BCL9L: variants seen among roughly 807,000 people sequenced by gnomAD.
BCL9L encodes B-cell CLL/lymphoma 9-like protein.
In BCL9L, 19 loss-of-function variants were observed where a neutral mutation model predicts 99.4. The observed-to-expected ratio is 0.19, with a 90% CI of 0.13 to 0.28. The LOEUF is 0.28. Among genes scored for constraint, BCL9L ranks in the 10% least tolerant of loss-of-function variants. The pLI is 1.00. For synonymous variants in BCL9L, 900 were observed against 854.8 expected, an observed-to-expected ratio of 1.05 and a Z score of -0.92; for missense variants, 2,023 against 2,101.6, an observed-to-expected ratio of 0.96 and a Z score of 0.73.
Position 118,899,422 on chromosome 11 carries a change from G to A in BCL9L, c.3493C>T (p.Pro1165Ser). ...GCGGGCGGGGGCTCATGGGACAGGG[G>A]CTGCTGGCCTGGCAGGTTCATGCCC... ...PMGMNLPGQQ[P>S]LSHEPPPAML... The change falls in exon 10 of 10, where the codon CCC (proline) becomes TCC (serine). Residue 1165 changes from proline to serine, a missense_variant. By Grantham distance (74) the Pro-to-Ser change is moderately conservative (BLOSUM62 -1). This residue lies in a region of BCL9L where 902 missense variants were observed against 888.2 expected (regional missense o/e 1.02). Coordinates refer to ENST00000683865, the MANE Select transcript of BCL9L (RefSeq NM_001378213.1). 6.3e-7 allele frequency: 1 copy of A among 1,596,200 alleles called. No homozygotes were observed. Among genetic ancestry groups the A allele is most frequent in the Non-Finnish European group, 8.5e-7 (1 of 1,173,588 alleles).
chr11:118,905,512 CAAA>C (rs761526586), intron 5 of BCL9L, among the ~76,000 whole-genome samples: 2 of 38,574 alleles, frequency 5.2e-5, no homozygotes, highest in Non-Finnish European at 5.4e-5. Flanking sequence ...GACTCTGTCT[CAAA>C]AAAAAAAAAA....
In BCL9L at chr11:118,901,621, T is replaced by C. The variant is rs1940242354; in HGVS notation, c.2122A>G (p.Met708Val). Residue 708 changes from methionine (M) to valine (V), a missense_variant, in exon 8 of 10, where the codon ATG becomes GTG. Transcript: ENST00000683865. The surrounding 1 kb of genome is among the most constrained non-coding windows in gnomAD (Gnocchi z 6.6). ...AGSGMGQSME[M>V]ERMMQAHRQM... ...CGGTGCGCCTGCATCATCCGCTCCA[T>C]CTCCATGCTCTGTCCCATGCCACTG... 5.6e-6 allele frequency: 9 copies of C among 1,613,714 alleles called. No homozygotes were observed. The highest frequency in any genetic ancestry group is 7.6e-6 in the Non-Finnish European group (9 of 1,179,996).
intron 5 of BCL9L, among the ~76,000 whole-genome samples, chr11:118,904,718 G>T (rs1940435391): frequency 6.6e-6 from 1 of 152,238 alleles, no homozygotes; most frequent in Non-Finnish European, 1.5e-5. Flanking sequence ...ATTGCCTGAA[G>T]TTGTCTCCAT....
Position 118,899,327 on chromosome 11 carries a change from C to A in BCL9L, c.3588G>T (p.Gly1196=). The change falls in exon 10 of 10, where the codon GGG becomes GGT. Residue 1196 remains glycine (G), a synonymous_variant. Transcript: ENST00000683865. Reference sequence around the variant, plus strand: ...CCATCATCATGGAGTTTTGAGGGGGCCCCCCTGTCCCCTGTGCGTTGGGAT... The same window carrying A: ...CCATCATCATGGAGTTTTGAGGGGGACCCCCTGTCCCCTGTGCGTTGGGAT... ...PLHPNAQGTG[G]PPQNSMMMAP... 2 of 1,555,588 alleles carry A rather than the reference C, an allele frequency of 1.3e-6. No individual in the cohort carries two copies. The highest frequency in any genetic ancestry group is 1.4e-5 in the African/African-American group (1 of 73,984).
chr11:118,912,537 G>A (rs969555342), intron 2 of BCL9L, among the ~76,000 whole-genome samples: 2 of 152,202 alleles, frequency 1.3e-5, no homozygotes, highest in African/African-American at 2.4e-5. Flanking sequence ...GGGTTGCTAA[G>A]GGTTAAAGTG....
intron 2 of BCL9L, among the ~76,000 whole-genome samples, chr11:118,917,134 G>A (rs938763351): frequency 5.9e-5 from 9 of 152,072 alleles, no homozygotes; most frequent in Non-Finnish European, 1.2e-4. Context: ...GGGAAGCGGC[G>A]GCAGCAAACA....
Position 118,898,781 on chromosome 11 carries a change from T to TG in BCL9L, c.4133dup (p.Gly1379ArgfsTer138). The TG allele has an allele frequency of 6.2e-7, 1 of 1,613,910 alleles. No individual in the cohort carries two copies. The highest frequency in any genetic ancestry group is 8.5e-7 in the Non-Finnish European group (1 of 1,179,998). The stretch of plus-strand genomic sequence containing the variant: ...GCCCCCGCTGGACGCCCTGCTGGCC[T>TG]GGGAGGTTGGGAGGCCGAGAGGGAG... On this transcript the variant is annotated frameshift_variant, in exon 10 of 10. Coordinates refer to ENST00000683865, the MANE Select transcript of BCL9L (RefSeq NM_001378213.1). LOFTEE classifies it high-confidence loss of function.
At chr11:118,917,692 C>T (rs374888984) in intron 2 of BCL9L, among the ~76,000 whole-genome samples, 4 of 152,224 alleles carry the variant, frequency 2.6e-5, no homozygotes, top group East Asian at 3.9e-4. Flanking sequence ...GAGAGAGCAC[C>T]GCTCCCCACT....
chr11:118,904,123 T>C (rs1940405190), intron 5 of BCL9L, among the ~76,000 whole-genome samples: 1 of 152,176 alleles, frequency 6.6e-6, no homozygotes, highest in Non-Finnish European at 1.5e-5. Flanking sequence ...TTTAAATCAA[T>C]GTCACAGACT....
chr11:118,908,713 G>C, intron 3 of BCL9L, 58 bp from the exon 4 acceptor site: 3 of 1,486,178 alleles, frequency 2.0e-6, no homozygotes, highest in Non-Finnish European at 1.8e-6. Flanking sequence ...AGGCATGCCT[G>C]CAACTTAATT....
chr11:118,900,280 G>A lies in BCL9L; in HGVS notation c.3125-82C>T. The A allele has an allele frequency of 7.2e-7, 1 of 1,397,664 alleles. No individual in the cohort carries two copies. The highest frequency in any genetic ancestry group is 9.5e-7 in the Non-Finnish European group (1 of 1,050,088). 86.6% of individuals were successfully genotyped at this position (1,397,664 alleles called of 1,614,324 possible). Reference sequence around the variant, plus strand: ...TGGCTGTGGATATGGGGAGGTTTAGGAAGCGGTCAGTTCCCCAAATCACCT... The same window carrying A: ...TGGCTGTGGATATGGGGAGGTTTAGAAAGCGGTCAGTTCCCCAAATCACCT... On this transcript the variant is annotated intron_variant, in intron 8 of 9. Coordinates refer to ENST00000683865, the MANE Select transcript of BCL9L (RefSeq NM_001378213.1). This position sits in a 1 kb window ranked among gnomAD's most constrained non-coding sequence, Gnocchi z 5.3.
chr11:118,904,727 A>G (rs1394732021), intron 5 of BCL9L, among the ~76,000 whole-genome samples: 1 of 152,266 alleles, frequency 6.6e-6, no homozygotes, highest in East Asian at 1.9e-4. Context: ...AGTTGTCTCC[A>G]TCCAGCCAGG....
Position 118,919,115 on chromosome 11 carries a change from CCCG to C in BCL9L, c.-130-239_-130-237del, listed in dbSNP as rs1941068618. 3.0e-4 allele frequency among the ~76,000 whole-genome samples: 6 copies of C among 19,976 alleles called. 1 individual carries two copies. The highest frequency in any genetic ancestry group is 9.1e-4 in the African/African-American group (4 of 4,382). 13.1% of individuals were successfully genotyped at this position (19,976 alleles called of 152,430 possible). A position where few individuals can be genotyped will look rare whatever the true frequency, so the allele number is the denominator to read the frequency against. On this transcript the variant is annotated intron_variant, in intron 1 of 9. Transcript: ENST00000683865. The stretch of plus-strand genomic sequence containing the variant: ...CCAGCTGCACCGCTGCCCCCCCCCC[CCCG>C]ACCCCCCAACCCCCGCCCACCACAC...
intron 3 of BCL9L, 89 bp from the exon 4 acceptor site, chr11:118,908,744 A>C: frequency 5.2e-5 from 57 of 1,089,398 alleles, no homozygotes; most frequent in Non-Finnish European, 6.3e-5. Flanking sequence ...GCCTCCCCTA[A>C]CAATGGGGGA....
intron 5 of BCL9L, among the ~76,000 whole-genome samples, chr11:118,906,678 CCTTT>C (rs1411152536): frequency 6.7e-6 from 1 of 148,180 alleles, no homozygotes; most frequent in African/African-American, 2.7e-5. Flanking sequence ...TTACTTCTTT[CCTTT>C]CTTTCTCTCT....
In BCL9L at chr11:118,913,539, C is replaced by T. The variant is rs957312752; in HGVS notation, c.-76-3524G>A. On this transcript the variant is annotated intron_variant, in intron 2 of 9. Coordinates refer to ENST00000683865, the MANE Select transcript of BCL9L (RefSeq NM_001378213.1). The stretch of plus-strand genomic sequence containing the variant: ...TGCCCCCAAAGACAGCTACCCAATC[C>T]CCAGCTGCTCCCTCCCACAGGGGGA... 3.3e-5 allele frequency among the ~76,000 whole-genome samples: 5 copies of T among 152,172 alleles called. 1 individual carries two copies. Among genetic ancestry groups the T allele is most frequent in the Admixed American group, 3.3e-4 (5 of 15,288 alleles).
intron 3 of BCL9L, 101 bp from the exon 4 acceptor site, chr11:118,908,756 G>A: frequency 1.0e-6 from 1 of 972,512 alleles, no homozygotes; most frequent in Non-Finnish European, 1.5e-6. Context: ...AATGGGGGAG[G>A]GTGGGGGGAA....
At chr11:118,907,669 C>A (rs778957146) in intron 4 of BCL9L, 67 bp from the exon 5 acceptor site, 659 of 1,590,490 alleles carry the variant, frequency 4.1e-4, no homozygotes, top group Non-Finnish European at 5.1e-4. Context: ...CACCCAGGGT[C>A]CCTCCCAGAT....
Position 118,898,498 on chromosome 11 carries a change from G to A in BCL9L, c.4417C>T (p.Pro1473Ser), listed in dbSNP as rs775180403. The A allele has an allele frequency of 2.5e-6, 4 of 1,603,358 alleles. No individual in the cohort carries two copies. The highest frequency in any genetic ancestry group is 1.7e-4 in the Middle Eastern group (1 of 6,056). Residue 1473 changes from proline (P) to serine (S), a missense_variant, in exon 10 of 10, where the codon CCC (proline) becomes TCC (serine). This residue lies in a region of BCL9L where 902 missense variants were observed against 888.2 expected (regional missense o/e 1.02). Transcript: ENST00000683865. ...PPQQNLMVSH[P>S]LRQRSVSLDS... ...AGGGACACACTGCGCTGCCGAAGGGGGTGGGACACCATGAGGTTCTGCTGG... is the reference window on the plus strand; with the variant it reads ...AGGGACACACTGCGCTGCCGAAGGGAGTGGGACACCATGAGGTTCTGCTGG...
Sources: allele counts gnomAD v4.1 joint callset (sites outside exome capture counted in the v4.1 genomes callset), GRCh38; gene constraint gnomAD v4.1.1; regional missense constraint gnomAD v4.1.1; non-coding constraint Gnocchi (gnomAD v3.1); transcripts MANE v1.5; gene names NCBI Gene and HGNC (gene_info 2026-07-23, HGNC 2026-07-21).